Variants in PIK3R1 observed in about 807,000 individuals in gnomAD.
The protein encoded by PIK3R1 is phosphoinositide-3-kinase regulatory subunit 1.
PIK3R1 carries 29 observed loss-of-function variants against 98.0 expected under a neutral mutation model. The observed-to-expected ratio is 0.30, with a 90% CI of 0.22 to 0.40. The LOEUF (loss-of-function observed/expected upper bound fraction) is 0.40. PIK3R1 is among the 10% of genes least tolerant of loss of function. The pLI is 1.00. For synonymous variants in PIK3R1, 282 were observed against 311.8 expected, an observed-to-expected ratio of 0.90 and a Z score of 1.01; for missense variants, 596 against 872.7, an observed-to-expected ratio of 0.68 and a Z score of 3.99.
At chr5:68,237,595 GA>G (rs11308179) in intron 2 of PIK3R1, among the ~76,000 whole-genome samples, 75,274 of 135,824 alleles carry the variant, frequency 0.55, 19,715 homozygotes, top group East Asian at 0.74. Flanking sequence ...TTTTCCCATT[GA>G]AAAAAAAAAA....
chr5:68,235,405 TAAATA>T (rs1445221178), intron 2 of PIK3R1, among the ~76,000 whole-genome samples: 1 of 33,878 alleles, frequency 3.0e-5, no homozygotes. Context: ...TGTCTCAAAA[TAAATA>T]AATAAATAAA....
In PIK3R1 at chr5:68,222,686, C is replaced by T. The variant is rs1484996406; in HGVS notation, c.-386-3604C>T. ...AGTTAAAATAGCTTTTTTGTGTGTG[C>T]AGGTAGTGTGAAAGAGCCACATACA... On this transcript the variant is annotated intron_variant, in intron 1 of 15. Transcript: ENST00000521381. Among the ~76,000 whole-genome samples the T allele has an allele frequency of 3.3e-5, 5 of 152,182 alleles. No individual in the cohort carries two copies. In the East Asian group the frequency reaches 9.6e-4, roughly 29 times the overall value.
intron 2 of PIK3R1, among the ~76,000 whole-genome samples, chr5:68,259,685 G>A (rs1247171525): frequency 6.6e-6 from 1 of 152,198 alleles, no homozygotes; most frequent in East Asian, 1.9e-4. Flanking sequence ...TACTTTCCAG[G>A]TCTTTTTGGC....
rs1004825043 is a variant in PIK3R1, at chr5:68,300,740, A to G, written c.*3139A>G. On this transcript the variant is annotated 3_prime_UTR_variant, in exon 16 of 16. Coordinates refer to ENST00000521381, the MANE Select transcript of PIK3R1 (RefSeq NM_181523.3). ...ACATAACAAGCGAACGTCTAGTACAATTCTTACTTATGTGTATGGGATTTT... is the reference window on the plus strand; with the variant it reads ...ACATAACAAGCGAACGTCTAGTACAGTTCTTACTTATGTGTATGGGATTTT... 1.3e-5 allele frequency: 3 copies of G among 233,184 alleles called. No homozygotes were observed. Among genetic ancestry groups the G allele is most frequent in the Middle Eastern group, 1.2e-3 (1 of 808 alleles). 14.4% of individuals were successfully genotyped at this position (233,184 alleles called of 1,614,324 possible). A position where few individuals can be genotyped will look rare whatever the true frequency, so the allele number is the denominator to read the frequency against.
At chr5:68,217,655 C>T (rs1055961318) in intron 1 of PIK3R1, 10 of 115,092 alleles carry the variant, frequency 8.7e-5, no homozygotes, top group East Asian at 7.1e-4. Flanking sequence ...TGTGTGTGTG[C>T]GCGCGCGTGC....
chr5:68,245,163 A>G (rs530483775), intron 2 of PIK3R1, among the ~76,000 whole-genome samples: 1 of 152,374 alleles, frequency 6.6e-6, no homozygotes, highest in East Asian at 1.9e-4. Flanking sequence ...TTCTAATCCA[A>G]AGAGCCTCCT....
intron 2 of PIK3R1, among the ~76,000 whole-genome samples, chr5:68,260,557 G>A (rs1745698711): frequency 3.3e-5 from 5 of 152,208 alleles, no homozygotes; most frequent in Admixed American, 2.6e-4. Flanking sequence ...GATGCAGCCG[G>A]ACAGAGGTTG....
intron 2 of PIK3R1, among the ~76,000 whole-genome samples, chr5:68,270,717 A>T (rs1437885444): frequency 1.3e-5 from 2 of 152,178 alleles, no homozygotes. Context: ...CTTAATAAAT[A>T]ACACTTTTCT....
intron 10 of PIK3R1, 76 bp downstream of exon 10, chr5:68,293,559 C>T (rs1245328375): frequency 7.8e-7 from 1 of 1,287,838 alleles, no homozygotes; most frequent in East Asian, 2.4e-5. Context: ...ACATTTGAAG[C>T]AGATGAATTA....
At chr5:68,279,489 T>G (rs1179488069) in intron 4 of PIK3R1, 113 bp from the exon 5 acceptor site, 1 of 776,228 alleles carries the variant, frequency 1.3e-6, no homozygotes, top group African/African-American at 2.4e-5. Context: ...CTCATATTGC[T>G]TCCTTATTTT....
rs1747916697 is a variant in PIK3R1, at chr5:68,299,416, TTGTA to T, written c.*1819_*1822del. The T allele has an allele frequency of 8.6e-6, 2 of 232,888 alleles. No individual in the cohort carries two copies. Among genetic ancestry groups the T allele is most frequent in the East Asian group, 1.2e-4 (2 of 16,502 alleles). 14.4% of individuals were successfully genotyped at this position (232,888 alleles called of 1,614,324 possible). A position where few individuals can be genotyped will look rare whatever the true frequency, so the allele number is the denominator to read the frequency against. On this transcript the variant is annotated 3_prime_UTR_variant, in exon 16 of 16. Transcript: ENST00000521381. The stretch of plus-strand genomic sequence containing the variant: ...CAGTCCTTCTCATTCATTCTAATCA[TTGTA>T]TGTGCTTCACTACGGGGGGGAGAAG...
chr5:68,233,422 C>T lies in PIK3R1; in HGVS notation c.334+6413C>T, dbSNP rs578169533. The stretch of plus-strand genomic sequence containing the variant: ...TTTGAGGTCTTGAGTTTATAGCATT[C>T]GATATCAAAGCAGTCCTTAGGCTTT... On this transcript the variant is annotated intron_variant, in intron 2 of 15. Transcript: ENST00000521381. 3.9e-3 allele frequency among the ~76,000 whole-genome samples: 595 copies of T among 152,190 alleles called. 4 individuals are homozygous for T. The highest frequency in any genetic ancestry group is 8.2e-3 in the African/African-American group (342 of 41,516).
chr5:68,226,411 T>G lies in PIK3R1; in HGVS notation c.-265T>G. ...GCCTGGATTCAAAGTGTTGACAAGT[T>G]GCTGAAAAGGAAGCCAGTGAGAGGA... On this transcript the variant is annotated 5_prime_UTR_variant, in exon 2 of 16. Transcript: ENST00000521381. 1 of 482,252 alleles carries G rather than the reference T, an allele frequency of 2.1e-6. No homozygotes were observed. The highest frequency in any genetic ancestry group is 3.6e-6 in the Non-Finnish European group (1 of 274,254). The allele number at this position is 482,252 out of a possible 1,614,324, so 29.9% of individuals were successfully genotyped here.
At chr5:68,221,701 A>G (rs567101838) in intron 1 of PIK3R1, among the ~76,000 whole-genome samples, 1 of 152,340 alleles carries the variant, frequency 6.6e-6, no homozygotes, top group South Asian at 2.1e-4. Flanking sequence ...CAAAATGCCT[A>G]TAGGTTAGAG....
intron 5 of PIK3R1, 87 bp downstream of exon 5, chr5:68,279,820 G>T (rs1336070021): frequency 7.5e-7 from 1 of 1,326,396 alleles, no homozygotes; most frequent in Admixed American, 1.9e-5. Flanking sequence ...TAGAAATAGT[G>T]GTTAGAAAAT....
intron 2 of PIK3R1, among the ~76,000 whole-genome samples, chr5:68,231,318 AC>A (rs1744465307): frequency 6.6e-6 from 1 of 151,766 alleles, no homozygotes; most frequent in Non-Finnish European, 1.5e-5. Context: ...GACCTGCACA[AC>A]CCTCCCTGGC....
At position 68,280,417 on chromosome 5, in the gene PIK3R1, A is replaced by G; in HGVS notation, c.635-111A>G. 3 of 745,618 alleles carry G rather than the reference A, an allele frequency of 4.0e-6. No individual in the cohort carries two copies. In the East Asian group the frequency reaches 7.4e-5, roughly 18 times the overall value. 46.2% of individuals were successfully genotyped at this position (745,618 alleles called of 1,614,324 possible). A position where few individuals can be genotyped will look rare whatever the true frequency, so the allele number is the denominator to read the frequency against. On this transcript the variant is annotated intron_variant, in intron 5 of 15. Coordinates refer to ENST00000521381, the MANE Select transcript of PIK3R1 (RefSeq NM_181523.3). ...GTGTGCTTCTCCCAACAACTTTTTA[A>G]ATGACTCCTATAGCTTGAAGAAAGA... is the stretch of plus-strand genomic sequence containing the variant.
intron 2 of PIK3R1, among the ~76,000 whole-genome samples, chr5:68,243,713 G>T (rs1363504642): frequency 6.6e-6 from 1 of 152,232 alleles, no homozygotes; most frequent in Non-Finnish European, 1.5e-5. Flanking sequence ...CAGGGCTTCA[G>T]CATAAAGCAG....
At chr5:68,295,758 T>G in intron 14 of PIK3R1, 1 of 507,566 alleles carries the variant, frequency 2.0e-6, no homozygotes, top group African/African-American at 1.9e-5. Context: ...TCCCAAAATA[T>G]TTTTGGAACA....
Sources: gnomAD v4.1 joint callset for allele counts (sites outside exome capture counted in the v4.1 genomes callset) on GRCh38, gnomAD v4.1.1 for gene constraint, MANE v1.5 for transcripts, NCBI Gene and HGNC (gene_info 2026-07-23, HGNC 2026-07-21) for gene names.